The following ROBO2 variants were observed in gnomAD, a reference collection of about 807,000 sequenced individuals.
ROBO2 encodes the protein roundabout guidance receptor 2.
ROBO2 carries 53 observed loss-of-function variants against 160.8 expected under a neutral mutation model. The observed-to-expected ratio is 0.33, with a 90% CI of 0.26 to 0.41. ROBO2 has a LOEUF of 0.41. Ranked by LOEUF, ROBO2 falls within the 10% of genes least tolerant of loss-of-function variation. The pLI is 1.00. For missense variants in ROBO2, 1,577 were observed against 1,722.4 expected (o/e 0.92, Z 1.49); for synonymous variants, 664 against 611.7 (o/e 1.09, Z -1.26).
intron 2 of ROBO2, among the ~76,000 whole-genome samples, chr3:76,195,834 G>A (rs957940923): frequency 1.3e-5 from 2 of 152,174 alleles, no homozygotes; most frequent in African/African-American, 4.8e-5. Context: ...GCAAATGGAT[G>A]CAGCAATTCA....
intron 2 of ROBO2, among the ~76,000 whole-genome samples, chr3:76,847,783 T>A (rs1416559616): frequency 6.6e-6 from 1 of 152,146 alleles, no homozygotes; most frequent in Non-Finnish European, 1.5e-5. Flanking sequence ...TGGCAAAGCT[T>A]TTTCTAATAC....
intron 2 of ROBO2, among the ~76,000 whole-genome samples, chr3:76,380,568 AT>A (rs1399247614): frequency 2.0e-5 from 3 of 152,032 alleles, no homozygotes; most frequent in Non-Finnish European, 4.4e-5. Flanking sequence ...TCCTAATAAC[AT>A]TTTGTTTTCT....
At chr3:76,723,414 A>C (rs1266152998) in intron 2 of ROBO2, among the ~76,000 whole-genome samples, 1 of 152,146 alleles carries the variant, frequency 6.6e-6, no homozygotes, top group East Asian at 1.9e-4. Context: ...AAGTGACAAG[A>C]CTATTTGTTT....
chr3:77,378,898 G>A (rs1201730332), intron 2 of ROBO2, among the ~76,000 whole-genome samples: 2 of 151,472 alleles, frequency 1.3e-5, no homozygotes, highest in African/African-American at 4.9e-5. Context: ...AACCCGGCAT[G>A]CGTAACAAGT....
Position 76,048,799 on chromosome 3 carries a change from G to T in ROBO2, c.109+111197G>T, listed in dbSNP as rs2107802474. Among the ~76,000 whole-genome samples the T allele has an allele frequency of 1.3e-5, 2 of 152,212 alleles. 1 individual carries two copies. The highest frequency in any genetic ancestry group is 4.1e-4 in the South Asian group (2 of 4,824). ...CGGGGCACTGAAGATTGACAGGAGA[G>T]TAAGTTAACAAATCGTAGCATGTTT... On this transcript the variant is annotated intron_variant, in intron 2 of 26. Coordinates refer to the ROBO2 transcript ENST00000487694.
chr3:77,124,837 C>T (rs2075161933), intron 2 of ROBO2, among the ~76,000 whole-genome samples: 3 of 151,932 alleles, frequency 2.0e-5, no homozygotes, highest in Non-Finnish European at 1.5e-5. Context: ...TCCTCCCTCC[C>T]TTCTTCCCTT....
At chr3:77,126,820 A>G (rs1293034409) in intron 2 of ROBO2, among the ~76,000 whole-genome samples, 1 of 115,898 alleles carries the variant, frequency 8.6e-6, no homozygotes, top group Non-Finnish European at 1.6e-5. Flanking sequence ...ATGGAGTCGC[A>G]CTCTGTCTCC....
At chr3:76,238,465 A>G (rs547830316) in intron 2 of ROBO2, among the ~76,000 whole-genome samples, 90 of 150,866 alleles carry the variant, frequency 6.0e-4, no homozygotes, top group African/African-American at 1.9e-3. Flanking sequence ...CACCTCCCCC[A>G]AGGGCTTCCC....
intron 2 of ROBO2, among the ~76,000 whole-genome samples, chr3:76,674,386 A>T (rs1227977619): frequency 6.6e-6 from 1 of 151,998 alleles, no homozygotes; most frequent in African/African-American, 2.4e-5. Flanking sequence ...GCTGGGCACC[A>T]GGTCACTGTC....
At chr3:77,045,048 TGGG>T (rs1443711416) in intron 1 of ROBO2, among the ~76,000 whole-genome samples, 2 of 152,022 alleles carry the variant, frequency 1.3e-5, no homozygotes, top group African/African-American at 4.8e-5. Flanking sequence ...CACCCAATGT[TGGG>T]GGAGGGAGGC....
At chr3:76,326,481 G>A (rs534157283) in intron 2 of ROBO2, among the ~76,000 whole-genome samples, 1 of 151,942 alleles carries the variant, frequency 6.6e-6, no homozygotes, top group African/African-American at 2.4e-5. Context: ...AAATATATGT[G>A]TATTATGTTG....
At chr3:77,210,820 T>G (rs955976746) in intron 2 of ROBO2, among the ~76,000 whole-genome samples, 12 of 151,022 alleles carry the variant, frequency 7.9e-5, no homozygotes, top group Non-Finnish European at 1.6e-4. Flanking sequence ...TTCCCACCTA[T>G]GAGTGAGAAC....
intron 2 of ROBO2, among the ~76,000 whole-genome samples, chr3:77,192,358 T>C (rs2081932309): frequency 1.3e-5 from 2 of 152,176 alleles, no homozygotes; most frequent in South Asian, 2.1e-4. Context: ...GTCATACTAC[T>C]ACAAATTTCT....
rs569800044 is a variant in ROBO2, at chr3:77,091,697, G to A, written c.62-6317G>A. Among the ~76,000 whole-genome samples the A allele has an allele frequency of 2.3e-3, 354 of 152,144 alleles. 2 individuals carry two copies. Among genetic ancestry groups the A allele is most frequent in the Non-Finnish European group, 3.9e-3 (264 of 68,000 alleles). On this transcript the variant is annotated intron_variant, in intron 1 of 25. Transcript: ENST00000461745. Reference sequence around the variant, plus strand: ...TCACTATGGAGACTAAGAATCTGGTGGCCAGGTAAGGTGGCTCATGCCTGT... The same window carrying A: ...TCACTATGGAGACTAAGAATCTGGTAGCCAGGTAAGGTGGCTCATGCCTGT...
intron 2 of ROBO2, among the ~76,000 whole-genome samples, chr3:77,153,298 T>A (rs2077697924): frequency 6.6e-6 from 1 of 152,148 alleles, no homozygotes; most frequent in Admixed American, 6.6e-5. Flanking sequence ...CAGATTTTTT[T>A]ATTTTTTCTT....
chr3:76,521,282 C>T (rs1053035715), intron 2 of ROBO2, among the ~76,000 whole-genome samples: 1 of 152,036 alleles, frequency 6.6e-6, no homozygotes, highest in Non-Finnish European at 1.5e-5. Context: ...CTCCTAGACC[C>T]AAGTGATCCG....
At chr3:76,703,858 T>A (rs1269358021) in intron 2 of ROBO2, among the ~76,000 whole-genome samples, 2 of 152,172 alleles carry the variant, frequency 1.3e-5, no homozygotes. Flanking sequence ...GAATGATTTA[T>A]AATCCTTTGG....
chr3:76,376,523 G>A (rs1180757070), intron 2 of ROBO2, among the ~76,000 whole-genome samples: 1 of 152,132 alleles, frequency 6.6e-6, no homozygotes, highest in Non-Finnish European at 1.5e-5. Context: ...TTAAAGACGT[G>A]TGAAAATCCA....
chr3:77,639,793 G>A (rs541799761), intron 24 of ROBO2, among the ~76,000 whole-genome samples: 4 of 152,254 alleles, frequency 2.6e-5, no homozygotes, highest in African/African-American at 9.6e-5. Context: ...AGGCAGGGAA[G>A]TGACATGATC....
Sources: allele counts gnomAD v4.1 joint callset (sites outside exome capture counted in the v4.1 genomes callset), GRCh38; gene constraint gnomAD v4.1.1; transcripts MANE v1.5; gene names NCBI Gene and HGNC (gene_info 2026-07-23, HGNC 2026-07-21).